SCNN1B: variants seen among roughly 807,000 people sequenced by gnomAD.
SCNN1B encodes the protein epithelial sodium channel subunit beta.
In SCNN1B, 46 loss-of-function variants were observed where a neutral mutation model predicts 65.3. The ratio of observed to expected loss-of-function variants is 0.70; its 90% CI spans 0.56 to 0.90. The LOEUF (loss-of-function observed/expected upper bound fraction) is 0.90, where lower values mean the gene tolerates loss of function less well. SCNN1B is among the 40% of genes least tolerant of loss of function. SCNN1B has a pLI of 0.00. For missense variants in SCNN1B, 751 were observed against 830.5 expected, an observed-to-expected ratio of 0.90 and a Z score of 1.18; for synonymous variants, 349 against 330.6, an observed-to-expected ratio of 1.06 and a Z score of -0.60.
At chr16:23,347,597 G>A (rs1193629424) in intron 1 of SCNN1B, among the ~76,000 whole-genome samples, 4 of 152,118 alleles carry the variant, frequency 2.6e-5, no homozygotes, top group Non-Finnish European at 5.9e-5. Flanking sequence ...AAATAAATAT[G>A]AGCTATACAT....
At chr16:23,301,105 T>C (rs1360838593), upstream of SCNN1B, among the ~76,000 whole-genome samples, 1 of 152,000 alleles carries the variant, frequency 6.6e-6, no homozygotes, top group South Asian at 2.1e-4. Context: ...GGCTCACACC[T>C]GTAATCCCAA....
intron 1 of SCNN1B, among the ~76,000 whole-genome samples, chr16:23,309,663 A>G (rs532953983): frequency 5.0e-4 from 76 of 152,298 alleles, no homozygotes; most frequent in East Asian, 3.9e-4. Flanking sequence ...TACCTGCTTT[A>G]TATACTAGCT....
rs1344650806 is a variant in SCNN1B at position 23,371,847 on chromosome 16, C to T, written c.1116C>T (p.Asn372=). 4 of 1,614,174 alleles carry T rather than the reference C, an allele frequency of 2.5e-6. No homozygotes were observed. The highest frequency in any genetic ancestry group is 3.4e-6 in the Non-Finnish European group (4 of 1,179,950). Residue 372 remains asparagine, a synonymous_variant, in exon 7 of 13, where the codon AAC becomes AAT. Coordinates refer to ENST00000343070, the MANE Select transcript of SCNN1B (RefSeq NM_000336.3). ...TVNGSEVPVQ[N]FYSDYNTTYS... is the part of the protein sequence containing the mutation. Reference sequence around the variant, plus strand: ...ATGGTTCTGAGGTCCCCGTCCAAAACTTCTACAGTGACTACAACACGACCT... The same window carrying T: ...ATGGTTCTGAGGTCCCCGTCCAAAATTTCTACAGTGACTACAACACGACCT...
At chr16:23,357,568 G>A (rs538938073) in intron 4 of SCNN1B, among the ~76,000 whole-genome samples, 13 of 152,340 alleles carry the variant, frequency 8.5e-5, no homozygotes, top group African/African-American at 2.9e-4. Flanking sequence ...GGGCAGCAGA[G>A]TGAGACTCTG....
intron 1 of SCNN1B, among the ~76,000 whole-genome samples, chr16:23,330,608 T>C (rs1481906787): frequency 6.6e-6 from 1 of 152,172 alleles, no homozygotes; most frequent in African/African-American, 2.4e-5. Context: ...GGTCCTGCTC[T>C]GGTGCCCGGG....
Position 23,332,146 on chromosome 16 carries a change from A to G in SCNN1B, c.-8-16446A>G, listed in dbSNP as rs181782189. The stretch of plus-strand genomic sequence containing the variant: ...TGGGCTCAAATGATTCTCCCACTTC[A>G]GCCTCCCAAGCAGCTGGGACCACAG... On this transcript the variant is annotated intron_variant, in intron 1 of 12. Transcript: ENST00000343070. Among the ~76,000 whole-genome samples the G allele has an allele frequency of 7.1e-3, 1,072 of 151,882 alleles. 11 individuals carry two copies. Among genetic ancestry groups the G allele is most frequent in the Middle Eastern group, 0.024 (7 of 294 alleles).
intron 1 of SCNN1B, among the ~76,000 whole-genome samples, chr16:23,309,243 A>G (rs1197183253): frequency 6.6e-6 from 1 of 151,912 alleles, no homozygotes; most frequent in African/African-American, 2.4e-5. Flanking sequence ...GTCTGCCCCC[A>G]CCTGAGGGCC....
intron 1 of SCNN1B, among the ~76,000 whole-genome samples, chr16:23,311,937 A>C (rs1961352303): frequency 6.6e-6 from 1 of 151,992 alleles, no homozygotes; most frequent in Non-Finnish European, 1.5e-5. Flanking sequence ...TGCCTCCAGC[A>C]CCCAACACCC....
intron 1 of SCNN1B, among the ~76,000 whole-genome samples, chr16:23,340,128 GC>G (rs1962025802): frequency 3.3e-5 from 5 of 152,046 alleles, no homozygotes; most frequent in Admixed American, 3.3e-4. Context: ...CAAATCATTG[GC>G]CCATTTTTTG....
At chr16:23,336,896 C>T (rs549231004) in intron 1 of SCNN1B, among the ~76,000 whole-genome samples, 2 of 151,712 alleles carry the variant, frequency 1.3e-5, no homozygotes, top group Non-Finnish European at 2.9e-5. Context: ...AATAATGATA[C>T]AAGTGCTACA....
intron 1 of SCNN1B, among the ~76,000 whole-genome samples, chr16:23,339,732 A>AT (rs1234302578): frequency 1.3e-5 from 2 of 151,668 alleles, no homozygotes; most frequent in African/African-American, 2.4e-5. Context: ...CTCCCAGCTA[A>AT]TTTTTTTGTA....
chr16:23,326,056 C>T (rs1475840095), intron 1 of SCNN1B, among the ~76,000 whole-genome samples: 2 of 151,968 alleles, frequency 1.3e-5, no homozygotes, highest in Non-Finnish European at 2.9e-5. Flanking sequence ...GCCTGGGCAA[C>T]AGAGCAAGAC....
intron 1 of SCNN1B, among the ~76,000 whole-genome samples, chr16:23,343,563 AAAAG>A (rs1250937034): frequency 2.8e-5 from 4 of 144,586 alleles, no homozygotes; most frequent in East Asian, 2.0e-4. Context: ...AAGGAAGGAA[AAAAG>A]AAAGAAAGAA....
intron 2 of SCNN1B, among the ~76,000 whole-genome samples, chr16:23,293,490 A>T (rs961231817): frequency 6.6e-6 from 1 of 152,208 alleles, no homozygotes; most frequent in African/African-American, 2.4e-5. Flanking sequence ...CAGGAAGTAG[A>T]ATGGCTGCCA....
At chr16:23,310,629 A>C (rs1450414674) in intron 1 of SCNN1B, among the ~76,000 whole-genome samples, 1 of 152,180 alleles carries the variant, frequency 6.6e-6, no homozygotes, top group Non-Finnish European at 1.5e-5. Flanking sequence ...GAAAGCTATG[A>C]TTGCACCACT....
chr16:23,379,443 C>T lies in SCNN1B; in HGVS notation c.1467-651C>T, dbSNP rs144792905. Among the ~76,000 whole-genome samples, 73 of 152,100 alleles carry T rather than the reference C, an allele frequency of 4.8e-4. No individual in the cohort carries two copies. The East Asian group carries it at 0.012, about 25-fold the overall frequency. Reference sequence around the variant, plus strand: ...CTGCCTGAGAGATAAGGGAGGTCTGCGTAGGGAGGTGGCTTTGAGTGAACT... The same window carrying T: ...CTGCCTGAGAGATAAGGGAGGTCTGTGTAGGGAGGTGGCTTTGAGTGAACT... On this transcript the variant is annotated intron_variant, in intron 11 of 12. Coordinates refer to ENST00000343070, the MANE Select transcript of SCNN1B (RefSeq NM_000336.3).
At position 23,367,948 on chromosome 16, in the gene SCNN1B, G is replaced by A. The variant is rs767088417; in HGVS notation, c.869G>A (p.Gly290Glu). 1.2e-6 allele frequency: 2 copies of A among 1,613,408 alleles called. No homozygotes were observed. Among genetic ancestry groups the A allele is most frequent in the African/African-American group, 1.3e-5 (1 of 74,918 alleles). Residue 290 changes from glycine to glutamate, a missense_variant, in exon 5 of 13, where the codon GGA becomes GAA. By Grantham distance (98) the Gly-to-Glu change is moderately conservative (BLOSUM62 -2). Coordinates refer to ENST00000343070, the MANE Select transcript of SCNN1B (RefSeq NM_000336.3). ...AAGGCACTTCCTTCGGCCAACCCTG[G>A]AACTGAATTCGGTGAGTTTTGGTTT... ...TEKALPSANP[G>E]TEFGLKLILD...
intron 1 of SCNN1B, among the ~76,000 whole-genome samples, chr16:23,333,377 G>C (rs894833122): frequency 6.6e-6 from 1 of 152,154 alleles, no homozygotes; most frequent in Admixed American, 6.5e-5. Context: ...TCCCTGCCAG[G>C]GAGTGACTCA....
intron 4 of SCNN1B, among the ~76,000 whole-genome samples, chr16:23,361,929 G>A (rs1190752710): frequency 6.6e-6 from 1 of 151,902 alleles, no homozygotes; most frequent in Non-Finnish European, 1.5e-5. Flanking sequence ...GCCCAAGCTG[G>A]TCTCAAACTC....
Sources: allele counts gnomAD v4.1 joint callset (sites outside exome capture counted in the v4.1 genomes callset), GRCh38; gene constraint gnomAD v4.1.1; transcripts MANE v1.5; gene names NCBI Gene and HGNC (gene_info 2026-07-23, HGNC 2026-07-21).